Variants in KCNAB1 observed in about 807,000 individuals in gnomAD.
KCNAB1 encodes voltage-gated potassium channel subunit beta-1.
KCNAB1 carries 35 observed loss-of-function variants against 64.6 expected under a neutral mutation model. The ratio of observed to expected loss-of-function variants is 0.54; its 90% CI spans 0.41 to 0.72. KCNAB1 has a LOEUF of 0.72. Ranked by LOEUF, KCNAB1 falls within the 30% of genes least tolerant of loss-of-function variation. KCNAB1 has a pLI of 0.00. For synonymous variants in KCNAB1, 177 were observed against 183.8 expected (o/e 0.96, Z 0.30); for missense variants, 401 against 512.9 (o/e 0.78, Z 2.11).
At chr3:156,191,439 A>G (rs1333193362) in intron 1 of KCNAB1, among the ~76,000 whole-genome samples, 2 of 152,240 alleles carry the variant, frequency 1.3e-5, no homozygotes, top group African/African-American at 2.4e-5. Context: ...GCTTCCTTGT[A>G]TGGACTTTTA....
chr3:156,234,250 A>G (rs1716723717), intron 1 of KCNAB1, among the ~76,000 whole-genome samples: 1 of 152,170 alleles, frequency 6.6e-6, no homozygotes, highest in Admixed American at 6.5e-5. Flanking sequence ...GATGAGGACC[A>G]TGCTTGAAGG....
At chr3:156,165,108 C>T (rs925507396) in intron 1 of KCNAB1, among the ~76,000 whole-genome samples, 16 of 151,362 alleles carry the variant, frequency 1.1e-4, no homozygotes, top group Non-Finnish European at 2.2e-4. Context: ...GAAACCCCGT[C>T]GCTACTAAAA....
intron 1 of KCNAB1, among the ~76,000 whole-genome samples, chr3:156,253,814 A>C (rs1322110499): frequency 1.3e-5 from 2 of 152,240 alleles, no homozygotes; most frequent in Non-Finnish European, 2.9e-5. Flanking sequence ...GAAGAGGACC[A>C]GGCGTCTGTT....
intron 1 of KCNAB1, among the ~76,000 whole-genome samples, chr3:156,408,045 G>A (rs866584946): frequency 6.6e-6 from 1 of 152,114 alleles, no homozygotes; most frequent in South Asian, 2.1e-4. Context: ...GGAAGGTGAC[G>A]GGGGAGGGGG....
chr3:156,398,329 A>G (rs2108184686), intron 1 of KCNAB1, among the ~76,000 whole-genome samples: 1 of 152,328 alleles, frequency 6.6e-6, no homozygotes, highest in Non-Finnish European at 1.5e-5. Context: ...GCGGTGGCTC[A>G]CGCCTGTAAT....
At chr3:156,442,602 C>T (rs759549368) in intron 2 of KCNAB1, among the ~76,000 whole-genome samples, 1 of 152,198 alleles carries the variant, frequency 6.6e-6, no homozygotes. Context: ...AGATGTTTAA[C>T]CCTCAAAACC....
chr3:156,420,396 G>A (rs1233350840), intron 1 of KCNAB1, among the ~76,000 whole-genome samples: 2 of 152,144 alleles, frequency 1.3e-5, no homozygotes, highest in East Asian at 1.9e-4. Flanking sequence ...TTATTATGTT[G>A]TGCAATTGAA....
At chr3:156,299,469 A>AAAAT (rs1721012380) in intron 1 of KCNAB1, among the ~76,000 whole-genome samples, 1 of 151,702 alleles carries the variant, frequency 6.6e-6, no homozygotes, top group African/African-American at 2.4e-5. Flanking sequence ...TGTCTAAAGC[A>AAAAT]CAGGCTTCTC....
chr3:156,470,089 A>G (rs531087044), intron 7 of KCNAB1, among the ~76,000 whole-genome samples: 3 of 152,236 alleles, frequency 2.0e-5, no homozygotes, highest in Non-Finnish European at 4.4e-5. Flanking sequence ...CAGAGTATAC[A>G]ATGAGCTTGA....
At chr3:156,354,362 C>T (rs1725090506) in intron 1 of KCNAB1, among the ~76,000 whole-genome samples, 2 of 151,134 alleles carry the variant, frequency 1.3e-5, no homozygotes, top group Non-Finnish European at 3.0e-5. Context: ...GGTTTCTCCA[C>T]GTTGGTCAGG....
At chr3:156,340,989 G>A (rs764868517) in intron 1 of KCNAB1, among the ~76,000 whole-genome samples, 3 of 152,008 alleles carry the variant, frequency 2.0e-5, no homozygotes, top group African/African-American at 4.8e-5. Flanking sequence ...TGGTTTTATC[G>A]AATGACTATC....
intron 6 of KCNAB1, 43 bp downstream of exon 6, chr3:156,463,789 A>G (rs1294360627): frequency 4.0e-6 from 6 of 1,485,950 alleles, no homozygotes; most frequent in Non-Finnish European, 5.6e-6. Flanking sequence ...CTAGTAGTTC[A>G]TGCTTTTTTG....
intron 1 of KCNAB1, among the ~76,000 whole-genome samples, chr3:156,123,809 T>C (rs547980577): frequency 6.6e-6 from 1 of 152,176 alleles, no homozygotes; most frequent in Admixed American, 6.5e-5. Context: ...TGTGGGCATG[T>C]TTTTTAAAAA....
chr3:156,453,217 T>G (rs1712135652), intron 3 of KCNAB1: 2 of 277,614 alleles, frequency 7.2e-6, no homozygotes. Flanking sequence ...ATGAAAAGAT[T>G]GTATTGCTGT....
chr3:156,363,310 T>G (rs549712228), intron 1 of KCNAB1, among the ~76,000 whole-genome samples: 30 of 152,354 alleles, frequency 2.0e-4, no homozygotes, highest in African/African-American at 6.7e-4. Context: ...CATTTGTTTT[T>G]GCTACTCTGA....
intron 1 of KCNAB1, among the ~76,000 whole-genome samples, chr3:156,410,483 T>C (rs73164742): frequency 4.6e-5 from 7 of 152,336 alleles, no homozygotes; most frequent in Middle Eastern, 3.4e-3. Flanking sequence ...AACATTCTGG[T>C]AGATATTTTT....
At chr3:156,421,089 A>G (rs1715437425) in intron 1 of KCNAB1, among the ~76,000 whole-genome samples, 1 of 151,814 alleles carries the variant, frequency 6.6e-6, no homozygotes, top group Admixed American at 6.6e-5. Flanking sequence ...CATTAGAATT[A>G]ATATTCTGTT....
At chr3:156,411,262 T>C (rs1714643200) in intron 1 of KCNAB1, among the ~76,000 whole-genome samples, 1 of 152,224 alleles carries the variant, frequency 6.6e-6, no homozygotes, top group Non-Finnish European at 1.5e-5. Context: ...GTTCAGTACT[T>C]CGGCTATTTT....
intron 1 of KCNAB1, among the ~76,000 whole-genome samples, chr3:156,278,857 G>A (rs946761770): frequency 1.3e-5 from 2 of 151,902 alleles, no homozygotes; most frequent in African/African-American, 4.8e-5. Flanking sequence ...ATGGCTGGGT[G>A]GAAAGACATG....
Sources: gnomAD v4.1 joint callset for allele counts (sites outside exome capture counted in the v4.1 genomes callset) on GRCh38, gnomAD v4.1.1 for gene constraint, MANE v1.5 for transcripts, NCBI Gene and HGNC (gene_info 2026-07-23, HGNC 2026-07-21) for gene names.